Variants in GSK3B observed in about 807,000 individuals in gnomAD.
GSK3B encodes glycogen synthase kinase 3 beta.
In GSK3B, 15 loss-of-function variants were observed where a neutral mutation model predicts 56.4. That is an observed-to-expected ratio of 0.27 (90% CI 0.18 to 0.41). The LOEUF is 0.41. GSK3B is among the 10% of genes least tolerant of loss of function. GSK3B has a pLI of 1.00. For missense variants in GSK3B, 300 were observed against 513.4 expected (o/e 0.58, Z 4.02); for synonymous variants, 181 against 188.9 (o/e 0.96, Z 0.34).
At chr3:120,016,230 C>G (rs2057825668) in intron 1 of GSK3B, among the ~76,000 whole-genome samples, 1 of 152,110 alleles carries the variant, frequency 6.6e-6, no homozygotes, top group Non-Finnish European at 1.5e-5. Context: ...GAATATATCC[C>G]CCAAAAGGTC....
At chr3:120,036,394 TTTG>T (rs2058022924) in intron 1 of GSK3B, among the ~76,000 whole-genome samples, 1 of 152,214 alleles carries the variant, frequency 6.6e-6, no homozygotes, top group African/African-American at 2.4e-5. Flanking sequence ...GATCATCAGT[TTTG>T]TTGTTGCAAT....
At chr3:119,907,597 G>T (rs992228393) in intron 6 of GSK3B, among the ~76,000 whole-genome samples, 1 of 152,088 alleles carries the variant, frequency 6.6e-6, no homozygotes. Context: ...AGAAGGTACC[G>T]GAAAAATAGA....
chr3:119,914,777 A>ATC (rs2056765368), intron 5 of GSK3B, among the ~76,000 whole-genome samples: 2 of 152,230 alleles, frequency 1.3e-5, no homozygotes, highest in African/African-American at 4.8e-5. Context: ...TTTTTAAAGG[A>ATC]TCTGTCTCAA....
At chr3:119,869,024 T>A (rs987168143) in intron 8 of GSK3B, among the ~76,000 whole-genome samples, 24 of 151,960 alleles carry the variant, frequency 1.6e-4, no homozygotes, top group African/African-American at 5.8e-4. Context: ...AACAAATTAG[T>A]CTATACTATT....
At chr3:119,986,574 A>G (rs1386003244) in intron 2 of GSK3B, among the ~76,000 whole-genome samples, 1 of 152,340 alleles carries the variant, frequency 6.6e-6, no homozygotes, top group Middle Eastern at 3.4e-3. Flanking sequence ...CAACAGACAC[A>G]CGAAAAAATG....
chr3:119,977,712 A>T (rs532603814), intron 2 of GSK3B, among the ~76,000 whole-genome samples: 81 of 152,308 alleles, frequency 5.3e-4, no homozygotes, highest in African/African-American at 1.9e-3. Context: ...GGCTATATAA[A>T]ATACTAATAA....
intron 3 of GSK3B, among the ~76,000 whole-genome samples, chr3:119,945,826 T>A (rs193094364): frequency 5.3e-4 from 81 of 152,060 alleles, no homozygotes; most frequent in Admixed American, 1.8e-3. Flanking sequence ...AACAAATAAT[T>A]CTTACCCAGG....
intron 10 of GSK3B, among the ~76,000 whole-genome samples, chr3:119,836,169 T>C (rs2055687381): frequency 6.6e-6 from 1 of 152,218 alleles, no homozygotes; most frequent in African/African-American, 2.4e-5. Flanking sequence ...GGTATGATTT[T>C]GTGGCTAAAG....
intron 1 of GSK3B, among the ~76,000 whole-genome samples, chr3:120,072,248 C>T (rs1309179640): frequency 2.0e-5 from 3 of 152,122 alleles, no homozygotes; most frequent in Non-Finnish European, 4.4e-5. Context: ...GATAAATCAA[C>T]CTTTTCTATT....
At chr3:119,932,911 A>G (rs572836608) in intron 3 of GSK3B, among the ~76,000 whole-genome samples, 1 of 152,222 alleles carries the variant, frequency 6.6e-6, no homozygotes, top group African/African-American at 2.4e-5. Flanking sequence ...CAGCTTGGCC[A>G]ACATGATGAA....
intron 1 of GSK3B, among the ~76,000 whole-genome samples, chr3:120,062,156 GTTTC>G (rs1343008507): frequency 2.0e-5 from 3 of 151,890 alleles, no homozygotes; most frequent in Non-Finnish European, 4.4e-5. Flanking sequence ...TTTTATTTTT[GTTTC>G]TTTAACTATA....
intron 1 of GSK3B, among the ~76,000 whole-genome samples, chr3:120,037,130 T>C (rs77263312): frequency 0.1 from 15,923 of 152,186 alleles, 941 homozygotes; most frequent in African/African-American, 0.17. Context: ...CCTTATTCAC[T>C]AGCAATTACT....
intron 3 of GSK3B, among the ~76,000 whole-genome samples, chr3:119,928,844 A>G (rs73175862): frequency 0.092 from 13,923 of 152,160 alleles, 788 homozygotes; most frequent in Non-Finnish European, 0.12. Context: ...CATCTGCAAT[A>G]TAGAGCTAAT....
chr3:120,080,728 G>C (rs200278912), intron 1 of GSK3B, among the ~76,000 whole-genome samples: 1 of 151,958 alleles, frequency 6.6e-6, no homozygotes, highest in African/African-American at 2.4e-5. Flanking sequence ...CTACTCGGGA[G>C]GCTGAAGCAT....
intron 3 of GSK3B, among the ~76,000 whole-genome samples, chr3:119,925,836 T>C (rs2056884346): frequency 6.6e-6 from 1 of 152,190 alleles, no homozygotes; most frequent in Admixed American, 6.5e-5. Context: ...ACTACCACTA[T>C]GCCAAAATTA....
intron 10 of GSK3B, 37 bp from the exon 11 acceptor site, chr3:119,826,892 A>G: frequency 7.9e-7 from 1 of 1,262,996 alleles, no homozygotes; most frequent in Non-Finnish European, 1.2e-6. Context: ...AGCATGAGCA[A>G]TGCTATAACA....
chr3:120,044,667 T>G (rs2058088863), intron 1 of GSK3B, among the ~76,000 whole-genome samples: 1 of 152,284 alleles, frequency 6.6e-6, no homozygotes, highest in Non-Finnish European at 1.5e-5. Context: ...AAATGTAGAT[T>G]GGATAGATTA....
intron 1 of GSK3B, among the ~76,000 whole-genome samples, chr3:120,028,075 A>G (rs2057942876): frequency 6.6e-6 from 1 of 152,360 alleles, no homozygotes; most frequent in East Asian, 1.9e-4. Context: ...TGAGTGCCTC[A>G]TTCATAGTCA....
At chr3:120,060,887 T>C (rs2058230538) in intron 1 of GSK3B, among the ~76,000 whole-genome samples, 1 of 152,208 alleles carries the variant, frequency 6.6e-6, no homozygotes, top group African/African-American at 2.4e-5. Flanking sequence ...AGTCAGTCAG[T>C]CAATCTGTCC....
Sources: gnomAD v4.1 joint callset for allele counts (sites outside exome capture counted in the v4.1 genomes callset) on GRCh38, gnomAD v4.1.1 for gene constraint, MANE v1.5 for transcripts, NCBI Gene and HGNC (gene_info 2026-07-23, HGNC 2026-07-21) for gene names.